Variants in IDO2 observed in about 807,000 individuals in gnomAD.
IDO2 encodes indoleamine 2,3-dioxygenase-like 1 protein.
A neutral mutation model predicts 45.1 loss-of-function variants in IDO2; 46 were observed. The observed-to-expected ratio is 1.02, with a 90% CI of 0.80 to 1.30. The LOEUF (loss-of-function observed/expected upper bound fraction) is 1.30, where lower values mean the gene tolerates loss of function less well. IDO2 is among the 50% of genes most tolerant of loss of function. The pLI is 0.00. For synonymous variants in IDO2, 218 were observed against 184.9 expected, an observed-to-expected ratio of 1.18 and a Z score of -1.45; for missense variants, 544 against 491.8, an observed-to-expected ratio of 1.11 and a Z score of -1.00.
At chr8:40,007,524 T>TTCTC (rs1467001727) in intron 9 of IDO2, among the ~76,000 whole-genome samples, 1 of 152,130 alleles carries the variant, frequency 6.6e-6, no homozygotes, top group Non-Finnish European at 1.5e-5. Context: ...TATTTAGGCT[T>TTCTC]TCTCTGTATA....
At chr8:39,957,921 T>A (rs929539387) in intron 2 of IDO2, among the ~76,000 whole-genome samples, 2 of 152,248 alleles carry the variant, frequency 1.3e-5, no homozygotes, top group Non-Finnish European at 2.9e-5. Context: ...TATTTATGTA[T>A]TTGAGATGGA....
intron 2 of IDO2, among the ~76,000 whole-genome samples, chr8:39,961,083 C>CTACT (rs1807989667): frequency 6.6e-6 from 1 of 152,148 alleles, no homozygotes; most frequent in South Asian, 2.1e-4. Flanking sequence ...GCACCTGGCC[C>CTACT]TACTGTCTTG....
intron 9 of IDO2, among the ~76,000 whole-genome samples, chr8:40,008,045 CTTTTTTTTTTT>C (rs34451617): frequency 9.7e-6 from 1 of 103,322 alleles, no homozygotes; most frequent in Non-Finnish European, 1.9e-5. Flanking sequence ...AGCACTGGCA[CTTTTTTTTTTT>C]TTTTTTTTGA....
chr8:39,992,532 T>C (rs533255128), intron 8 of IDO2, among the ~76,000 whole-genome samples: 1 of 152,326 alleles, frequency 6.6e-6, no homozygotes, highest in East Asian at 1.9e-4. Flanking sequence ...AGTGGTTTTT[T>C]CACACCTCTA....
Position 39,989,864 on chromosome 8 carries a change from G to A in IDO2, c.667+26G>A, listed in dbSNP as rs1425942463. The A allele has an allele frequency of 4.7e-6, 7 of 1,493,900 alleles. No individual in the cohort carries two copies. The African/African-American group carries it at 8.3e-5, about 18-fold the overall frequency. 92.5% of individuals were successfully genotyped at this position (1,493,900 alleles called of 1,614,324 possible). On this transcript the variant is annotated intron_variant, in intron 8 of 10. Coordinates refer to ENST00000502986, the Ensembl canonical transcript of IDO2. ...GTAAGATGCTTCCGAAGCTCCTGAA[G>A]GATCCCCCAGGGGTCCTGGGCTCTG...
intron 1 of IDO2, among the ~76,000 whole-genome samples, chr8:39,943,509 G>A (rs1043873504): frequency 3.3e-5 from 5 of 151,864 alleles, no homozygotes; most frequent in Admixed American, 1.3e-4. Flanking sequence ...AGGCCGAGGC[G>A]GGCAGATCGC....
At chr8:39,940,896 T>C (rs1195111052) in intron 1 of IDO2, among the ~76,000 whole-genome samples, 2 of 147,482 alleles carry the variant, frequency 1.4e-5, no homozygotes, top group Admixed American at 1.4e-4. Flanking sequence ...CTTAAGTATA[T>C]ACCATTCTTA....
At chr8:39,935,195 G>C (rs1304949732) in exon 1 of IDO2, 2 of 1,613,470 alleles carry the variant, frequency 1.2e-6, no homozygotes, top group Non-Finnish European at 1.7e-6. Flanking sequence ...GCCACCACAA[G>C]AATGTTGCAT....
intron 8 of IDO2, among the ~76,000 whole-genome samples, chr8:39,991,752 G>A (rs546876031): frequency 3.3e-5 from 5 of 152,134 alleles, no homozygotes; most frequent in Admixed American, 3.3e-4. Context: ...TGTATTTTTA[G>A]TAGAGATGGG....
chr8:39,965,935 G>T (rs1316569744), intron 3 of IDO2, among the ~76,000 whole-genome samples: 1 of 151,292 alleles, frequency 6.6e-6, no homozygotes, highest in Non-Finnish European at 1.5e-5. Flanking sequence ...CTGTGGCAGA[G>T]TACATTTCTG....
chr8:39,979,954 TG>T (rs1169575928), intron 4 of IDO2, among the ~76,000 whole-genome samples: 1 of 152,162 alleles, frequency 6.6e-6, no homozygotes, highest in East Asian at 1.9e-4. Context: ...CCTGAGAAGC[TG>T]GGGCTACCAG....
chr8:39,990,981 CTAAG>C (rs1808489657), intron 8 of IDO2, among the ~76,000 whole-genome samples: 1 of 152,044 alleles, frequency 6.6e-6, no homozygotes, highest in Non-Finnish European at 1.5e-5. Flanking sequence ...ATATCAGAGT[CTAAG>C]TATCATTTTC....
chr8:39,955,694 G>T (rs1807882115), intron 2 of IDO2, among the ~76,000 whole-genome samples: 1 of 152,066 alleles, frequency 6.6e-6, no homozygotes, highest in Non-Finnish European at 1.5e-5. Context: ...AAATAAAAAA[G>T]AAGAAAAGAA....
chr8:39,966,029 T>C lies in IDO2; in HGVS notation c.195+2326T>C, dbSNP rs931699495. On this transcript the variant is annotated intron_variant, in intron 3 of 10. Coordinates refer to ENST00000502986, the Ensembl canonical transcript of IDO2. ...ACACTCTTGGTCTCTATCGCTTCTTTTTTTTTTTTTTTTTTTTGAGACAGA... is the reference window on the plus strand; with the variant it reads ...ACACTCTTGGTCTCTATCGCTTCTTCTTTTTTTTTTTTTTTTTGAGACAGA... Among the ~76,000 whole-genome samples the C allele has an allele frequency of 2.0e-3, 274 of 139,740 alleles. 3 individuals are homozygous for C. The highest frequency in any genetic ancestry group is 6.7e-3 in the African/African-American group (255 of 38,128). The allele number at this position is 139,740 out of a possible 152,430, so 91.7% of individuals were successfully genotyped here.
intron 9 of IDO2, among the ~76,000 whole-genome samples, chr8:40,013,263 C>T (rs1278962870): frequency 6.6e-6 from 1 of 152,140 alleles, no homozygotes; most frequent in Non-Finnish European, 1.5e-5. Context: ...ATCTTTATAA[C>T]TGAGTATGTG....
chr8:39,969,972 C>T (rs1293146783), intron 3 of IDO2, among the ~76,000 whole-genome samples: 1 of 151,882 alleles, frequency 6.6e-6, no homozygotes, highest in Non-Finnish European at 1.5e-5. Context: ...CCTCTTTTGC[C>T]AAACAGCCAA....
At chr8:39,968,785 G>A (rs1268120058) in intron 3 of IDO2, among the ~76,000 whole-genome samples, 1 of 151,816 alleles carries the variant, frequency 6.6e-6, no homozygotes, top group East Asian at 1.9e-4. Flanking sequence ...CTAGATGATG[G>A]GTTGACAGGC....
chr8:39,936,752 C>T (rs868527398), intron 1 of IDO2, among the ~76,000 whole-genome samples: 1 of 152,164 alleles, frequency 6.6e-6, no homozygotes, highest in Admixed American at 6.6e-5. Context: ...TTGCTTTAGC[C>T]TCCACAAAGA....
chr8:39,951,110 A>T (rs1585397438), intron 2 of IDO2, among the ~76,000 whole-genome samples: 1 of 147,240 alleles, frequency 6.8e-6, no homozygotes, highest in South Asian at 2.2e-4. Flanking sequence ...CATTTATATC[A>T]CTCCGGTAAC....
Sources: gnomAD v4.1 joint callset for allele counts (sites outside exome capture counted in the v4.1 genomes callset) on GRCh38, gnomAD v4.1.1 for gene constraint, MANE v1.5 for transcripts, NCBI Gene and HGNC (gene_info 2026-07-23, HGNC 2026-07-21) for gene names.